CCDC30: variants seen among roughly 807,000 people sequenced by gnomAD.
CCDC30 encodes coiled-coil domain-containing protein 30.
In CCDC30, 70 loss-of-function variants were observed where a neutral mutation model predicts 100.2. The observed-to-expected ratio is 0.70, with a 90% CI of 0.58 to 0.85. The LOEUF (loss-of-function observed/expected upper bound fraction) is 0.85. CCDC30 is among the 40% of genes least tolerant of loss of function. The pLI, the probability that CCDC30 is intolerant of heterozygous loss-of-function variation, is 0.00. For synonymous variants in CCDC30, 233 were observed against 269.5 expected (o/e 0.86, Z 1.33); for missense variants, 652 against 771.2 (o/e 0.85, Z 1.83).
intron 9 of CCDC30, among the ~76,000 whole-genome samples, chr1:42,586,531 C>G (rs1337518738): frequency 6.6e-6 from 1 of 152,082 alleles, no homozygotes; most frequent in Non-Finnish European, 1.5e-5. Context: ...TTTAGAACTC[C>G]TGGCCTCAGG....
At chr1:42,538,220 C>T (rs1644945311) in intron 6 of CCDC30, among the ~76,000 whole-genome samples, 1 of 143,614 alleles carries the variant, frequency 7.0e-6, no homozygotes, top group African/African-American at 2.6e-5. Context: ...ATCCCAGCTA[C>T]ACAGGAGGCT....
rs771440007 is a variant in CCDC30, at chr1:42,581,418, G to A, written c.905G>A (p.Cys302Tyr). Residue 302 changes from cysteine to tyrosine, a missense_variant, in exon 9 of 17, where the codon TGT (cysteine) becomes TAT (tyrosine). Cys to Tyr is a radical substitution (Grantham distance 194). Coordinates refer to ENST00000668663, the Ensembl canonical transcript of CCDC30. ...CATAAAGTCTGTCTCACAGACACTT[G>A]TATTTCAGAGAAGCAGCAGCTAGAG... is the stretch of plus-strand genomic sequence containing the variant. The A allele has an allele frequency of 1.9e-6, 3 of 1,613,648 alleles. No homozygotes were observed. The Admixed American group carries it at 5.0e-5, about 27-fold the overall frequency.
chr1:42,629,547 G>A (rs961069404), intron 11 of CCDC30, among the ~76,000 whole-genome samples: 1 of 151,882 alleles, frequency 6.6e-6, no homozygotes, highest in African/African-American at 2.4e-5. Context: ...CTTGTACTTG[G>A]ATATTGATAT....
At chr1:42,545,175 A>AG (rs1301928124) in intron 6 of CCDC30, among the ~76,000 whole-genome samples, 41 of 136,354 alleles carry the variant, frequency 3.0e-4, no homozygotes, top group Non-Finnish European at 5.7e-4. Flanking sequence ...AAAAAAAAAA[A>AG]AAAAAAAAAA....
chr1:42,545,268 T>G (rs2148534238), intron 6 of CCDC30, 142 bp from the exon 9 acceptor site: 3 of 590,490 alleles, frequency 5.1e-6, no homozygotes, highest in Non-Finnish European at 8.1e-6. Context: ...TTAAATTAAG[T>G]TGGAATCAGC....
chr1:42,638,311 G>C (rs1401594198), intron 12 of CCDC30, among the ~76,000 whole-genome samples: 3 of 151,972 alleles, frequency 2.0e-5, no homozygotes, highest in African/African-American at 7.3e-5. Flanking sequence ...CTATAATTGT[G>C]CTTATAAATA....
intron 6 of CCDC30, among the ~76,000 whole-genome samples, chr1:42,544,129 G>T (rs1645073321): frequency 6.6e-6 from 1 of 152,150 alleles, no homozygotes; most frequent in African/African-American, 2.4e-5. Context: ...CTGGCCTCAA[G>T]CAGTCCTCCC....
chr1:42,465,358 T>TTTTTG (rs201302325), intron 1 of CCDC30, among the ~76,000 whole-genome samples: 310 of 150,498 alleles, frequency 2.1e-3, no homozygotes, highest in African/African-American at 6.9e-3. Flanking sequence ...TTTGTTTTTG[T>TTTTTG]TTTTGTTTTG....
chr1:42,537,969 CA>C (rs573354651), intron 6 of CCDC30: 461 of 123,608 alleles, frequency 3.7e-3, no homozygotes, highest in Non-Finnish European at 4.5e-3. Flanking sequence ...AACTCCATCT[CA>C]AAAAAAAAAA....
chr1:42,535,532 G>T (rs1644878439), intron 6 of CCDC30, among the ~76,000 whole-genome samples: 1 of 148,706 alleles, frequency 6.7e-6, no homozygotes, highest in African/African-American at 2.5e-5. Flanking sequence ...AACCAAATGT[G>T]CAATTAGTTC....
intron 6 of CCDC30, chr1:42,500,383 A>G (rs1644292151): frequency 7.5e-7 from 1 of 1,331,588 alleles, no homozygotes; most frequent in Non-Finnish European, 1.1e-6. Flanking sequence ...GAACGAGCGA[A>G]GTCTGGTCTG....
At chr1:42,557,505 A>AGTC (rs1273143210) in intron 6 of CCDC30, among the ~76,000 whole-genome samples, 2 of 151,942 alleles carry the variant, frequency 1.3e-5, no homozygotes, top group Non-Finnish European at 1.5e-5. Flanking sequence ...CTTAGCCAGT[A>AGTC]GTCTTCACTC....
intron 4 of CCDC30, among the ~76,000 whole-genome samples, chr1:42,496,653 T>G (rs1191055658): frequency 6.6e-6 from 1 of 152,164 alleles, no homozygotes; most frequent in African/African-American, 2.4e-5. Context: ...AATTCAAGAC[T>G]TACAATAAAG....
the CCDC30 span, chr1:42,457,513 A>T: frequency 1.6e-6 from 1 of 639,792 alleles, no homozygotes; most frequent in Non-Finnish European, 2.8e-6. Flanking sequence ...CAATCTAGTG[A>T]GGGAGCTGGA....
rs375475032 is a variant in CCDC30 at position 42,530,771 on chromosome 1, C to G, written c.456+31855C>G. On this transcript the variant is annotated intron_variant, in intron 6 of 16. Transcript: ENST00000668663. The stretch of plus-strand genomic sequence containing the variant: ...ATGTGTATAGGTTATATGTAAAATA[C>G]TATACCATCTTATATGAGGGACTTG... Among the ~76,000 whole-genome samples, 14 of 152,238 alleles carry G rather than the reference C, an allele frequency of 9.2e-5. No homozygotes were observed. In the East Asian group the frequency reaches 2.7e-3, roughly 29 times the overall value.
chr1:42,502,956 C>T (rs145083059), intron 6 of CCDC30, among the ~76,000 whole-genome samples: 16 of 152,274 alleles, frequency 1.1e-4, no homozygotes, highest in African/African-American at 3.6e-4. Context: ...AGTGCATGCT[C>T]ACTGCAGCCT....
rs568389962 is a variant in CCDC30, at chr1:42,601,344, G to A, written c.1165-9634G>A. Reference sequence around the variant, plus strand: ...TCTGAAGGGAGAAAAACCCCTGAAGGCAGCTTGAAACAAAGAGAGGGGATT... The same window carrying A: ...TCTGAAGGGAGAAAAACCCCTGAAGACAGCTTGAAACAAAGAGAGGGGATT... On this transcript the variant is annotated intron_variant, in intron 10 of 16. Transcript: ENST00000668663. 6.6e-5 allele frequency among the ~76,000 whole-genome samples: 10 copies of A among 152,284 alleles called. No homozygotes were observed. The South Asian group carries it at 1.9e-3, about 28-fold the overall frequency.
chr1:42,556,392 A>T (rs753498268), intron 6 of CCDC30: 1 of 1,609,774 alleles, frequency 6.2e-7, no homozygotes, highest in Non-Finnish European at 8.5e-7. Context: ...AGTTCAGATG[A>T]CAGTGGTGCC....
intron 6 of CCDC30, among the ~76,000 whole-genome samples, chr1:42,527,182 A>G (rs149069450): frequency 1.2e-3 from 179 of 152,324 alleles, no homozygotes; most frequent in African/African-American, 4.0e-3. Flanking sequence ...CTGCCTCAGT[A>G]CTTGTTGTAC....
Sources: allele counts gnomAD v4.1 joint callset (sites outside exome capture counted in the v4.1 genomes callset), GRCh38; gene constraint gnomAD v4.1.1; transcripts MANE v1.5; gene names NCBI Gene and HGNC (gene_info 2026-07-23, HGNC 2026-07-21).